MAP7D2: variants seen among roughly 807,000 people sequenced by gnomAD.
MAP7D2 encodes MAP7 domain containing 2, also known as MAP7 domain-containing protein 2.
In MAP7D2, 33 loss-of-function variants were observed where a neutral mutation model predicts 63.5. The ratio of observed to expected loss-of-function variants is 0.52; its 90% CI spans 0.39 to 0.70. The LOEUF (loss-of-function observed/expected upper bound fraction) is 0.70. MAP7D2 is among the 30% of genes least tolerant of loss of function. The probability of loss-of-function intolerance (pLI) is 0.00; values close to 1 mark genes in which losing one functional copy is unlikely to be tolerated. For missense variants in MAP7D2, 626 were observed against 604.0 expected, an observed-to-expected ratio of 1.04 and a Z score of -0.38; for synonymous variants, 224 against 223.7, an observed-to-expected ratio of 1.00 and a Z score of -0.01.
At chrX:20,045,408 T>C (rs1395065674) in intron 6 of MAP7D2, among the ~76,000 whole-genome samples, 1 of 107,234 alleles carries the variant, frequency 9.3e-6, no homozygotes, top group Non-Finnish European at 1.9e-5. Flanking sequence ...ACTCCTGTAG[T>C]CCCAACTACT....
intron 4 of MAP7D2, among the ~76,000 whole-genome samples, chrX:20,053,577 T>C (rs936227223): frequency 2.6e-4 from 29 of 111,449 alleles, no homozygotes; most frequent in South Asian, 3.8e-4. Context: ...TTTAACTGTT[T>C]GAGGTTAGCA....
At chrX:20,036,510 G>A (rs189858579) in intron 8 of MAP7D2, among the ~76,000 whole-genome samples, 1 of 106,874 alleles carries the variant, frequency 9.4e-6, no homozygotes, top group Non-Finnish European at 1.9e-5. Context: ...TCAAAGTGCT[G>A]GGACTATAGG....
chrX:20,013,628 A>G lies in MAP7D2; in HGVS notation c.1750-3T>C, dbSNP rs1346546628. 9.1e-7 allele frequency: 1 copy of G among 1,104,760 alleles called. No homozygotes were observed. Among genetic ancestry groups the G allele is most frequent in the Admixed American group, 2.4e-5 (1 of 41,881 alleles). 91.0% of individuals were successfully genotyped at this position (1,104,760 alleles called of 1,213,427 possible). A position where few individuals can be genotyped will look rare whatever the true frequency, so the allele number is the denominator to read the frequency against. ...CTCTTCATGATTTCATCTATTCTCTAAAAACAAAAAACAAAAAACAAAATC... is the reference window on the plus strand; with the variant it reads ...CTCTTCATGATTTCATCTATTCTCTGAAAACAAAAAACAAAAAACAAAATC... On this transcript the variant is annotated splice_region_variant and splice_polypyrimidine_tract_variant and intron_variant, in intron 12 of 16. Coordinates refer to ENST00000379643, the MANE Select transcript of MAP7D2 (RefSeq NM_001168465.2).
rs995598017 is a variant in MAP7D2, at chrX:20,107,626, C to A, written c.130+9124G>T. Among the ~76,000 whole-genome samples the A allele has an allele frequency of 1.0e-4, 11 of 110,439 alleles. No homozygotes were observed. In the East Asian group the frequency reaches 3.1e-3, roughly 31 times the overall value. On this transcript the variant is annotated intron_variant, in intron 1 of 16. Coordinates refer to ENST00000379643, the MANE Select transcript of MAP7D2 (RefSeq NM_001168465.2). Reference sequence around the variant, plus strand: ...CATGCTGAAAGATAATATTTTGGAACATACTTGACTAAGTAAGTTGTATTA... The same window carrying A: ...CATGCTGAAAGATAATATTTTGGAAAATACTTGACTAAGTAAGTTGTATTA...
chrX:20,016,424 A>G, intron 10 of MAP7D2, 99 bp from the exon 11 acceptor site: 2 of 664,813 alleles, frequency 3.0e-6, no homozygotes, highest in Non-Finnish European at 4.7e-6. Flanking sequence ...CCACATGGTA[A>G]CACACACACA....
At chrX:20,104,871 G>A (rs1284269543) in intron 1 of MAP7D2, among the ~76,000 whole-genome samples, 1 of 111,837 alleles carries the variant, frequency 8.9e-6, no homozygotes, top group African/African-American at 3.3e-5. Context: ...CCTGCTAAGA[G>A]GTGATGCTAT....
At chrX:20,091,052 C>CT (rs1280083347) in intron 1 of MAP7D2, among the ~76,000 whole-genome samples, 1,479 of 91,912 alleles carry the variant, frequency 0.016, 37 homozygotes, top group African/African-American at 0.05. Flanking sequence ...GTGGAACACT[C>CT]TTTTTTTTTT....
chrX:20,103,323 A>G (rs1365076662), intron 1 of MAP7D2, among the ~76,000 whole-genome samples: 1 of 112,265 alleles, frequency 8.9e-6, no homozygotes, highest in Non-Finnish European at 1.9e-5. Context: ...CCAAGTTGAA[A>G]AGCTGAGACA....
chrX:20,020,678 T>C (rs2073605629), intron 10 of MAP7D2, among the ~76,000 whole-genome samples: 4 of 111,239 alleles, frequency 3.6e-5, no homozygotes, highest in Middle Eastern at 4.6e-3. Flanking sequence ...CCACCTGCCC[T>C]AGCTCTCACC....
intron 1 of MAP7D2, among the ~76,000 whole-genome samples, chrX:20,079,466 T>C (rs2065724233): frequency 8.9e-6 from 1 of 111,851 alleles, no homozygotes; most frequent in Non-Finnish European, 1.9e-5. Flanking sequence ...CAGCTACAAA[T>C]GCCCCAAAGG....
intron 1 of MAP7D2, among the ~76,000 whole-genome samples, chrX:20,095,727 C>T (rs761324380): frequency 1.8e-5 from 2 of 111,834 alleles, no homozygotes; most frequent in African/African-American, 6.5e-5. Flanking sequence ...TGTCTACTAA[C>T]AAAAGAATGG....
intron 10 of MAP7D2, among the ~76,000 whole-genome samples, chrX:20,021,012 C>G: frequency 8.9e-6 from 1 of 112,087 alleles, no homozygotes; most frequent in Non-Finnish European, 1.9e-5. Context: ...ATGTGAACCC[C>G]TAGTAGCTAT....
intron 8 of MAP7D2, among the ~76,000 whole-genome samples, chrX:20,031,076 G>C: frequency 9.0e-6 from 1 of 110,804 alleles, no homozygotes; most frequent in Non-Finnish European, 1.9e-5. Flanking sequence ...GGATCACGAG[G>C]TCAGGAGATC....
intron 6 of MAP7D2, among the ~76,000 whole-genome samples, chrX:20,047,240 C>G (rs746282291): frequency 2.7e-5 from 3 of 112,897 alleles, no homozygotes; most frequent in African/African-American, 9.6e-5. Context: ...CCAGTCACCA[C>G]AGTGGGAGGC....
rs769045259 is a variant in MAP7D2, at chrX:20,014,758, C to T, written c.1749+465G>A. Among the ~76,000 whole-genome samples, 4 of 111,467 alleles carry T rather than the reference C, an allele frequency of 3.6e-5. No individual in the cohort carries two copies. The South Asian group carries it at 1.1e-3, about 32-fold the overall frequency. ...TGGGACAGGGTCTCACTCCTGTTCC[C>T]CAGGCTGGACTGCAGTGGCATGATC... On this transcript the variant is annotated intron_variant, in intron 12 of 16. Transcript: ENST00000379643.
chrX:20,109,091 A>C (rs1052410396), intron 1 of MAP7D2, among the ~76,000 whole-genome samples: 1 of 108,733 alleles, frequency 9.2e-6, no homozygotes, highest in South Asian at 4.0e-4. Flanking sequence ...AAAGGCATAC[A>C]AGATCTTTGT....
rs774743082 is a variant in MAP7D2 at position 20,025,836 on chromosome X, G to A, written c.1124C>T (p.Ala375Val). The change falls in exon 9 of 17, where the codon GCG becomes GTG. Residue 375 changes from alanine to valine, a missense_variant. By Grantham distance (64) the Ala-to-Val change is moderately conservative. Transcript: ENST00000379643. The stretch of plus-strand genomic sequence containing the variant: ...TTCCTTGTTGCTCTTCTCTTTCTCC[G>A]CTTTCCTCTTGGGCATGTCTTGGCC... ...LSGQDMPKRK[A>V]EKEKSNKERE... is the part of the protein sequence containing the mutation. 4.1e-6 allele frequency: 5 copies of A among 1,211,735 alleles called. No homozygotes were observed. In the South Asian group the frequency reaches 5.3e-5, roughly 13 times the overall value.
At position 20,021,074 on chromosome X, in the gene MAP7D2, TCTC is replaced by T. The variant is rs761359810; in HGVS notation, c.1412+3874_1412+3876del. ...GATCCGTCTAGGAATCCCATTAAGA[TCTC>T]CTGCTTACTAGTTCCTGCCAGTGCC... On this transcript the variant is annotated intron_variant, in intron 10 of 16. Coordinates refer to ENST00000379643, the MANE Select transcript of MAP7D2 (RefSeq NM_001168465.2). 3.6e-5 allele frequency among the ~76,000 whole-genome samples: 4 copies of T among 112,406 alleles called. No homozygotes were observed. The East Asian group carries it at 1.1e-3, about 31-fold the overall frequency.
rs183741870 is a variant in MAP7D2, at chrX:20,060,976, G to A, written c.372+2438C>T. ...GGTGGGGTCAACAGGCCTCTCATGA[G>A]CTCCTAAGTATCAGACCCAGAGAGG... On this transcript the variant is annotated intron_variant, in intron 3 of 16. Coordinates refer to ENST00000379643, the MANE Select transcript of MAP7D2 (RefSeq NM_001168465.2). Among the ~76,000 whole-genome samples, 68 of 109,554 alleles carry A rather than the reference G, an allele frequency of 6.2e-4. 1 individual carries two copies. Among genetic ancestry groups the A allele is most frequent in the African/African-American group, 2.2e-3 (67 of 30,067 alleles).
Sources: allele counts gnomAD v4.1 joint callset (sites outside exome capture counted in the v4.1 genomes callset), GRCh38; gene constraint gnomAD v4.1.1; transcripts MANE v1.5; gene names NCBI Gene and HGNC (gene_info 2026-07-23, HGNC 2026-07-21).